SDK1: variants seen among roughly 807,000 people sequenced by gnomAD.
SDK1 encodes sidekick cell adhesion molecule 1.
Under a neutral mutation model 245.5 loss-of-function variants are expected in SDK1, and 157 were observed. That is an observed-to-expected ratio of 0.64 (90% CI 0.56 to 0.73). The LOEUF (loss-of-function observed/expected upper bound fraction) is 0.73, where lower values mean the gene tolerates loss of function less well. Ranked by LOEUF, SDK1 falls within the 30% of genes least tolerant of loss-of-function variation. The pLI is 0.00. For synonymous variants in SDK1, 1,647 were observed against 1,278.5 expected, an observed-to-expected ratio of 1.29 and a Z score of -6.15; for missense variants, 3,583 against 3,002.3, an observed-to-expected ratio of 1.19 and a Z score of -4.52.
chr7:3,891,338 T>G (rs1044922709), intron 5 of SDK1, among the ~76,000 whole-genome samples: 1 of 152,298 alleles, frequency 6.6e-6, no homozygotes, highest in East Asian at 1.9e-4. Context: ...TGCACTCTTC[T>G]GTCATCCTCC....
At chr7:3,531,116 T>C (rs975509077) in intron 1 of SDK1, among the ~76,000 whole-genome samples, 1 of 152,190 alleles carries the variant, frequency 6.6e-6, no homozygotes, top group Non-Finnish European at 1.5e-5. Context: ...TGAACTCTGC[T>C]TTGAATTTTG....
At chr7:4,005,296 C>T (rs1785384901) in intron 14 of SDK1, among the ~76,000 whole-genome samples, 2 of 151,792 alleles carry the variant, frequency 1.3e-5, no homozygotes, top group Admixed American at 6.6e-5. Context: ...CCACCTGCCT[C>T]GGCCTCCCAA....
chr7:3,332,502 G>A (rs1365485149), intron 1 of SDK1, among the ~76,000 whole-genome samples: 1 of 152,122 alleles, frequency 6.6e-6, no homozygotes, highest in Admixed American at 6.5e-5. Flanking sequence ...CTCCTAAAGC[G>A]AAGTCAGAGT....
chr7:4,267,837 G>C lies in SDK1; in HGVS notation c.*2453G>C. The C allele has an allele frequency of 1.0e-6, 1 of 985,644 alleles. No individual in the cohort carries two copies. The highest frequency in any genetic ancestry group is 4.7e-5 in the South Asian group (1 of 21,296). The allele number at this position is 985,644 out of a possible 1,614,324, so 61.1% of individuals were successfully genotyped here. A position where few individuals can be genotyped will look rare whatever the true frequency, so the allele number is the denominator to read the frequency against. ...AGGCTACGCCGGCCTCCTGGCTGCT[G>C]CTGGACTGTGCTTAGGACAGCGCCC... On this transcript the variant is annotated 3_prime_UTR_variant, in exon 45 of 45. Coordinates refer to ENST00000404826, the MANE Select transcript of SDK1 (RefSeq NM_152744.4).
chr7:3,435,687 A>T (rs1367589942), intron 1 of SDK1, among the ~76,000 whole-genome samples: 1 of 151,992 alleles, frequency 6.6e-6, no homozygotes, highest in East Asian at 1.9e-4. Context: ...GAGGAAGTGA[A>T]GGGTAACTCA....
intron 1 of SDK1, among the ~76,000 whole-genome samples, chr7:3,348,713 T>A (rs1319209580): frequency 6.6e-6 from 1 of 152,160 alleles, no homozygotes; most frequent in African/African-American, 2.4e-5. Context: ...GAAATTGTTT[T>A]TCAAAAAGTG....
chr7:4,179,949 G>A (rs1228296083), intron 35 of SDK1, among the ~76,000 whole-genome samples: 1 of 151,932 alleles, frequency 6.6e-6, no homozygotes, highest in Non-Finnish European at 1.5e-5. Flanking sequence ...GTGGGTGTCA[G>A]AGCTCTGCCT....
chr7:3,586,704 C>CAAAA (rs57309941), intron 1 of SDK1, among the ~76,000 whole-genome samples: 1 of 82,186 alleles, frequency 1.2e-5, no homozygotes, highest in African/African-American at 4.6e-5. Flanking sequence ...GACTCCGTCT[C>CAAAA]AAAAAAAAAA....
At chr7:3,456,837 T>C (rs1009566988) in intron 1 of SDK1, among the ~76,000 whole-genome samples, 1 of 152,192 alleles carries the variant, frequency 6.6e-6, no homozygotes, top group Non-Finnish European at 1.5e-5. Flanking sequence ...AAACCTGTTA[T>C]TTTAGCTGAC....
intron 13 of SDK1, among the ~76,000 whole-genome samples, chr7:3,984,790 C>T (rs936399809): frequency 6.6e-6 from 1 of 152,228 alleles, no homozygotes; most frequent in Non-Finnish European, 1.5e-5. Context: ...TGTGTCCAGT[C>T]TGTGAGAACG....
chr7:3,554,386 C>G (rs551882844), intron 1 of SDK1, among the ~76,000 whole-genome samples: 16 of 151,784 alleles, frequency 1.1e-4, no homozygotes, highest in African/African-American at 3.6e-4. Context: ...AATAAAAATA[C>G]ATAAAACTGA....
At chr7:3,805,479 G>T (rs1779219008) in intron 4 of SDK1, among the ~76,000 whole-genome samples, 1 of 152,220 alleles carries the variant, frequency 6.6e-6, no homozygotes, top group Admixed American at 6.5e-5. Flanking sequence ...GGTATAAGAT[G>T]TTCTGGGTTC....
intron 1 of SDK1, among the ~76,000 whole-genome samples, chr7:3,368,194 A>T (rs1781138526): frequency 6.6e-6 from 1 of 152,210 alleles, no homozygotes; most frequent in East Asian, 1.9e-4. Flanking sequence ...AATTGAGTTA[A>T]ATATTGTTGA....
intron 1 of SDK1, among the ~76,000 whole-genome samples, chr7:3,478,385 T>G (rs1337237644): frequency 2.6e-5 from 4 of 152,150 alleles, no homozygotes; most frequent in African/African-American, 9.6e-5. Flanking sequence ...CTCTTATAAA[T>G]GAGAGCTTCA....
intron 1 of SDK1, among the ~76,000 whole-genome samples, chr7:3,542,353 C>A (rs1779076805): frequency 6.6e-6 from 1 of 152,184 alleles, no homozygotes; most frequent in South Asian, 2.1e-4. Context: ...CAGAAGGGTC[C>A]TTTCAGCCTG....
chr7:3,934,769 C>T (rs1312118373), intron 5 of SDK1, among the ~76,000 whole-genome samples: 3 of 152,174 alleles, frequency 2.0e-5, no homozygotes, highest in Non-Finnish European at 2.9e-5. Flanking sequence ...AGCCTGTGAG[C>T]TCAACAAAGA....
At chr7:3,374,335 G>A (rs1165107380) in intron 1 of SDK1, among the ~76,000 whole-genome samples, 2 of 152,104 alleles carry the variant, frequency 1.3e-5, no homozygotes, top group East Asian at 3.8e-4. Context: ...GTGCACAGGA[G>A]GACTCACTGT....
intron 1 of SDK1, among the ~76,000 whole-genome samples, chr7:3,405,884 C>G (rs987522860): frequency 6.8e-6 from 1 of 148,098 alleles, no homozygotes; most frequent in Non-Finnish European, 1.5e-5. Context: ...ATGTTCTCAG[C>G]TCACTGCAAC....
intron 44 of SDK1, among the ~76,000 whole-genome samples, chr7:4,263,542 G>C (rs1489367276): frequency 2.8e-3 from 172 of 60,974 alleles, no homozygotes; most frequent in African/African-American, 4.5e-3. Context: ...CCGCGTAGAC[G>C]CCTCCTGAGT....
Sources: gnomAD v4.1 joint callset for allele counts (sites outside exome capture counted in the v4.1 genomes callset) on GRCh38, gnomAD v4.1.1 for gene constraint, MANE v1.5 for transcripts, NCBI Gene and HGNC (gene_info 2026-07-23, HGNC 2026-07-21) for gene names.